The following TBL1XR1 variants were observed in gnomAD, a reference collection of about 807,000 sequenced individuals.
TBL1XR1 encodes F-box-like/WD repeat-containing protein TBL1XR1.
In TBL1XR1, 5 loss-of-function variants were observed where a neutral mutation model predicts 66.9. The ratio of observed to expected loss-of-function variants is 0.07; its 90% CI spans 0.04 to 0.16. TBL1XR1 has a LOEUF of 0.16. Among genes scored for constraint, TBL1XR1 ranks in the 10% least tolerant of loss-of-function variants. TBL1XR1 has a pLI of 1.00. For missense variants in TBL1XR1, 238 were observed against 623.2 expected (o/e 0.38, Z 6.58); for synonymous variants, 210 against 206.0 (o/e 1.02, Z -0.17).
chr3:177,085,760 CTT>C (rs1722042348), intron 2 of TBL1XR1, among the ~76,000 whole-genome samples: 1 of 152,054 alleles, frequency 6.6e-6, no homozygotes, highest in Admixed American at 6.6e-5. Context: ...TAACAAATAT[CTT>C]TAGCTCTCAA....
intron 1 of TBL1XR1, among the ~76,000 whole-genome samples, chr3:177,186,777 C>T (rs1203715891): frequency 1.3e-5 from 2 of 152,264 alleles, no homozygotes; most frequent in East Asian, 1.9e-4. Context: ...TATAGATCCC[C>T]GTCAAAACTC....
chr3:177,094,386 A>G (rs1416956172), intron 2 of TBL1XR1, among the ~76,000 whole-genome samples: 1 of 152,220 alleles, frequency 6.6e-6, no homozygotes, highest in Non-Finnish European at 1.5e-5. Flanking sequence ...AATGTAAACT[A>G]GTACAACCAT....
chr3:177,154,639 C>T (rs1332473433), intron 1 of TBL1XR1, among the ~76,000 whole-genome samples: 1 of 152,132 alleles, frequency 6.6e-6, no homozygotes, highest in African/African-American at 2.4e-5. Context: ...TCATGATCTG[C>T]CCGCCTCAGC....
intron 10 of TBL1XR1, among the ~76,000 whole-genome samples, chr3:177,044,520 T>G (rs1716052449): frequency 6.6e-6 from 1 of 152,092 alleles, no homozygotes; most frequent in Non-Finnish European, 1.5e-5. Flanking sequence ...GGGAGAGAGA[T>G]ATCACTAAGG....
At chr3:177,031,228 T>C (rs1418936337) in intron 14 of TBL1XR1, among the ~76,000 whole-genome samples, 1 of 152,102 alleles carries the variant, frequency 6.6e-6, no homozygotes, top group East Asian at 1.9e-4. Context: ...ATATATATCA[T>C]AGTTACAGAA....
Position 177,037,195 on chromosome 3 carries a change from C to G in TBL1XR1, c.1122+903G>C, listed in dbSNP as rs1442203964. ...TCAAATTAATACAACGCAAAGAATT[C>G]CAATCAAATCCATGAATGCTACAAA... On this transcript the variant is annotated intron_variant, in intron 12 of 15. Coordinates refer to ENST00000457928, the MANE Select transcript of TBL1XR1 (RefSeq NM_024665.7). Among the ~76,000 whole-genome samples the G allele has an allele frequency of 2.6e-5, 4 of 152,168 alleles. No homozygotes were observed. The East Asian group carries it at 5.8e-4, about 22-fold the overall frequency.
At chr3:177,071,906 T>A (rs1338328194) in intron 2 of TBL1XR1, among the ~76,000 whole-genome samples, 1 of 152,176 alleles carries the variant, frequency 6.6e-6, no homozygotes, top group African/African-American at 2.4e-5. Flanking sequence ...GGCAGTACTG[T>A]CATATAAAAT....
intron 1 of TBL1XR1, chr3:177,131,239 T>C (rs1403890782): frequency 1.7e-6 from 1 of 597,768 alleles, no homozygotes; most frequent in African/African-American, 2.0e-5. Context: ...TAACTCTTCA[T>C]TCAAAGACAC....
intron 1 of TBL1XR1, among the ~76,000 whole-genome samples, chr3:177,112,648 G>A (rs920453206): frequency 3.9e-5 from 6 of 151,934 alleles, no homozygotes; most frequent in Non-Finnish European, 8.8e-5. Flanking sequence ...AAGTAATTAG[G>A]TGCCCGGCCA....
chr3:177,064,418 G>A (rs890408041), intron 3 of TBL1XR1, among the ~76,000 whole-genome samples: 2 of 152,046 alleles, frequency 1.3e-5, no homozygotes, highest in African/African-American at 2.4e-5. Flanking sequence ...AATATTAGTT[G>A]CAAATGGCTT....
rs1201200502 is a variant in TBL1XR1, at chr3:177,020,056, T to G, written c.*5442A>C. 1 of 151,950 alleles carries G rather than the reference T, an allele frequency of 6.6e-6. No individual in the cohort carries two copies. The highest frequency in any genetic ancestry group is 1.5e-5 in the Non-Finnish European group (1 of 67,972). 9.4% of individuals were successfully genotyped at this position (151,950 alleles called of 1,614,324 possible). On this transcript the variant is annotated 3_prime_UTR_variant, in exon 16 of 16. Transcript: ENST00000457928. Reference sequence around the variant, plus strand: ...TCTCTAACTCTAAAGGAGTTGGTATTAATTAAAACTAGAAGGTGTCTAGTT... The same window carrying G: ...TCTCTAACTCTAAAGGAGTTGGTATGAATTAAAACTAGAAGGTGTCTAGTT...
chr3:177,112,879 T>C (rs1487873341), intron 1 of TBL1XR1, among the ~76,000 whole-genome samples: 1 of 152,046 alleles, frequency 6.6e-6, no homozygotes, highest in Admixed American at 6.6e-5. Flanking sequence ...ACCATGTGCC[T>C]GGAGTCGCAG....
chr3:177,189,664 A>AAAAAAAAAAAAAAAAAAAATTTC (rs57549428), intron 1 of TBL1XR1, among the ~76,000 whole-genome samples: 5 of 141,876 alleles, frequency 3.5e-5, no homozygotes, highest in African/African-American at 1.4e-4. Flanking sequence ...AAAAAAAAAA[A>AAAAAAAAAAAAAAAAAAAATTTC]AGAAGGATGT....
At chr3:177,125,710 G>A (rs991000809) in intron 1 of TBL1XR1, among the ~76,000 whole-genome samples, 2 of 152,124 alleles carry the variant, frequency 1.3e-5, no homozygotes, top group East Asian at 3.8e-4. Flanking sequence ...CCATGGAGAA[G>A]TGCTGGCAAT....
In TBL1XR1 at chr3:177,139,647, C is replaced by CA. The variant is rs1328168495; in HGVS notation, c.-121-41107dup. Among the ~76,000 whole-genome samples, 10 of 133,050 alleles carry CA rather than the reference C, an allele frequency of 7.5e-5. 1 individual carries two copies. The highest frequency in any genetic ancestry group is 2.3e-4 in the African/African-American group (8 of 35,094). 87.3% of individuals were successfully genotyped at this position (133,050 alleles called of 152,430 possible). The stretch of plus-strand genomic sequence containing the variant: ...TATAAACGTTTCCCAGAAAGTAAAG[C>CA]AAAAAAACCCAAAAATATAGTTAAA... On this transcript the variant is annotated intron_variant, in intron 1 of 15. Coordinates refer to ENST00000457928, the MANE Select transcript of TBL1XR1 (RefSeq NM_024665.7).
intron 1 of TBL1XR1, among the ~76,000 whole-genome samples, chr3:177,143,382 CA>C (rs543566037): frequency 5.7e-4 from 80 of 140,408 alleles, no homozygotes; most frequent in East Asian, 8.2e-4. Context: ...ATCTACAAGT[CA>C]AAAAAAAAAG....
intron 1 of TBL1XR1, among the ~76,000 whole-genome samples, chr3:177,130,051 T>G (rs7647456): frequency 6.6e-6 from 1 of 151,474 alleles, no homozygotes. Context: ...AGATGGAGGC[T>G]GGAGAATCGC....
intron 1 of TBL1XR1, among the ~76,000 whole-genome samples, chr3:177,135,307 C>CTGTCTGTGTGTGTGAG (rs1553852678): frequency 1.4e-5 from 1 of 72,596 alleles, no homozygotes; most frequent in Non-Finnish European, 2.7e-5. Flanking sequence ...AGGCCGCACT[C>CTGTCTGTGTGTGTGAG]TGTGTGTGTG....
At chr3:177,117,227 C>T (rs1361846565) in intron 1 of TBL1XR1, among the ~76,000 whole-genome samples, 3 of 152,136 alleles carry the variant, frequency 2.0e-5, no homozygotes, top group Non-Finnish European at 4.4e-5. Context: ...TTTAAACAAA[C>T]ATCAGTCTAG....
Sources: gnomAD v4.1 joint callset for allele counts (sites outside exome capture counted in the v4.1 genomes callset) on GRCh38, gnomAD v4.1.1 for gene constraint, MANE v1.5 for transcripts, NCBI Gene and HGNC (gene_info 2026-07-23, HGNC 2026-07-21) for gene names.